UNC119B: variants seen among roughly 807,000 people sequenced by gnomAD.
UNC119B encodes the protein unc-119 lipid binding chaperone B.
A neutral mutation model predicts 23.4 loss-of-function variants in UNC119B; 16 were observed. The ratio of observed to expected loss-of-function variants is 0.68; its 90% CI spans 0.46 to 1.04. The LOEUF is 1.04. Among genes scored for constraint, UNC119B ranks in the 50% least tolerant of loss-of-function variants. UNC119B has a pLI of 0.00. For missense variants in UNC119B, 350 were observed against 361.3 expected (o/e 0.97, Z 0.25); for synonymous variants, 144 against 145.4 (o/e 0.99, Z 0.07).
chr12:120,720,021 G>T lies in UNC119B; in HGVS notation c.745G>T (p.Gly249Ter), dbSNP rs1304189676. The change falls in exon 5 of 5, where the codon GGA (glycine) becomes TGA (stop). Residue 249 changes from glycine (G) to a stop codon, truncating the protein, a stop_gained. Coordinates refer to ENST00000344651, the MANE Select transcript of UNC119B (RefSeq NM_001080533.3). LOFTEE classifies it high-confidence loss of function. ...MHNKADYAYN[G>*]GQ Reference sequence around the variant, plus strand: ...CAACAAGGCTGATTATGCCTATAATGGAGGCCAGTAAGTGCTGCAAGAGTA... The same window carrying T: ...CAACAAGGCTGATTATGCCTATAATTGAGGCCAGTAAGTGCTGCAAGAGTA... 1 of 1,613,008 alleles carries T rather than the reference G, an allele frequency of 6.2e-7. No homozygotes were observed. Among genetic ancestry groups the T allele is most frequent in the Admixed American group, 1.7e-5 (1 of 59,996 alleles).
intron 2 of UNC119B, among the ~76,000 whole-genome samples, chr12:120,715,997 T>C (rs762411355): frequency 3.3e-5 from 5 of 152,246 alleles, no homozygotes; most frequent in Admixed American, 6.5e-5. Context: ...CAAGGAACTA[T>C]AGTATCCCAA....
intron 1 of UNC119B, chr12:120,710,940 C>G (rs1228774339): frequency 2.7e-6 from 1 of 364,478 alleles, no homozygotes; most frequent in African/African-American, 2.3e-5. Context: ...CCTGTGAGTC[C>G]GGCCACGCTA....
rs566420526 is a variant in UNC119B, at chr12:120,721,156, T to C, written c.*1124T>C. The C allele has an allele frequency of 6.6e-6, 1 of 152,362 alleles. No individual in the cohort carries two copies. The highest frequency in any genetic ancestry group is 2.4e-5 in the African/African-American group (1 of 41,578). The allele number at this position is 152,362 out of a possible 1,614,324, so 9.4% of individuals were successfully genotyped here. ...TCTACTGAAGTAGTTTCTGGAACTT[T>C]CCTGGTGGATCAGAGTTACGTAATG... On this transcript the variant is annotated 3_prime_UTR_variant, in exon 5 of 5. Coordinates refer to ENST00000344651, the MANE Select transcript of UNC119B (RefSeq NM_001080533.3).
intron 1 of UNC119B, chr12:120,711,490 T>C (rs1882668233): frequency 1.3e-5 from 2 of 152,064 alleles, no homozygotes; most frequent in Admixed American, 1.3e-4. Flanking sequence ...GGAAGAAAAA[T>C]GTTGCCCAGT....
In UNC119B at chr12:120,719,242, A is replaced by G. The variant is rs10849780; in HGVS notation, c.644-678A>G. Among the ~76,000 whole-genome samples the G allele has an allele frequency of 0.02, 2,994 of 152,350 alleles. 249 individuals are homozygous for G. In the East Asian group the frequency reaches 0.28, roughly 14 times the overall value. Reference sequence around the variant, plus strand: ...AAAATGGCATGTAATCATTAACTCAAAACTGATCAGAGGTAGTGACTGTTA... The same window carrying G: ...AAAATGGCATGTAATCATTAACTCAGAACTGATCAGAGGTAGTGACTGTTA... On this transcript the variant is annotated intron_variant, in intron 4 of 4. Coordinates refer to ENST00000344651, the MANE Select transcript of UNC119B (RefSeq NM_001080533.3).
In UNC119B at chr12:120,718,268, C is replaced by T. The variant is rs374204279; in HGVS notation, c.643+1226C>T. On this transcript the variant is annotated intron_variant, in intron 4 of 4. Transcript: ENST00000344651. ...AGGAGGCCTGTGACCATCCCTGGGA[C>T]GCTGATCAGATAAAGCACCTCTCCT... 3.5e-4 allele frequency among the ~76,000 whole-genome samples: 54 copies of T among 152,292 alleles called. 1 individual carries two copies. In the East Asian group the frequency reaches 5.6e-3, roughly 16 times the overall value.
chr12:120,715,674 C>T (rs1286836165), intron 2 of UNC119B, among the ~76,000 whole-genome samples: 1 of 152,080 alleles, frequency 6.6e-6, no homozygotes, highest in Non-Finnish European at 1.5e-5. Context: ...GCTGGGATTA[C>T]AGGCATGCGC....
intron 2 of UNC119B, among the ~76,000 whole-genome samples, chr12:120,714,794 C>G (rs944226675): frequency 6.6e-6 from 1 of 152,058 alleles, no homozygotes; most frequent in Non-Finnish European, 1.5e-5. Context: ...CAATATAAGA[C>G]GGAACTGTTT....
Position 120,719,905 on chromosome 12 carries a change from TTGCC to T in UNC119B, c.644-12_644-9del. The T allele has an allele frequency of 6.3e-7, 1 of 1,594,938 alleles. No individual in the cohort carries two copies. Among genetic ancestry groups the T allele is most frequent in the Non-Finnish European group, 8.6e-7 (1 of 1,162,614 alleles). On this transcript the variant is annotated splice_polypyrimidine_tract_variant and intron_variant, in intron 4 of 4. Transcript: ENST00000344651. ...AATTCTTTGCTTTTTTCTTCCCCCT[TTGCC>T]TGACTTGCAGTTCGTCTAATGATTG...
Position 120,720,085 on chromosome 12 carries a change from C to A in UNC119B, c.*53C>A. 2.2e-6 allele frequency: 3 copies of A among 1,350,636 alleles called. No individual in the cohort carries two copies. The highest frequency in any genetic ancestry group is 3.2e-6 in the Non-Finnish European group (3 of 945,588). The allele number at this position is 1,350,636 out of a possible 1,614,324, so 83.7% of individuals were successfully genotyped here. The stretch of plus-strand genomic sequence containing the variant: ...CTTTGCCGCGGCCACAAGATCCTGG[C>A]ACACGGAGATGATCGAAGCTGCAGT... On this transcript the variant is annotated 3_prime_UTR_variant, in exon 5 of 5. Transcript: ENST00000344651.
intron 1 of UNC119B, among the ~76,000 whole-genome samples, chr12:120,712,482 T>C (rs187414975): frequency 1.6e-3 from 241 of 152,362 alleles, no homozygotes; most frequent in Non-Finnish European, 2.8e-3. Flanking sequence ...ATTATTTCAA[T>C]TTGCGGCTCA....
At position 120,710,532 on chromosome 12, in the gene UNC119B, C is replaced by T. The variant is rs758718025; in HGVS notation, c.58C>T (p.Leu20=). The change falls in exon 1 of 5, where the codon CTG becomes TTG. Residue 20 remains leucine (L), a synonymous_variant. Transcript: ENST00000344651. ...GGCGTCGGCGGCTGGGCCCGGGGGG[C>T]TGGTGGCTGGCAAGGAGGAGAAGAA... ...AAASAAGPGG[L]VAGKEEKKKA... 5 of 1,374,204 alleles carry T rather than the reference C, an allele frequency of 3.6e-6. No homozygotes were observed. Among genetic ancestry groups the T allele is most frequent in the Non-Finnish European group, 4.7e-6 (5 of 1,069,880 alleles). 85.1% of individuals were successfully genotyped at this position (1,374,204 alleles called of 1,614,324 possible).
In UNC119B at chr12:120,722,417, A is replaced by G. The variant is rs1342645097; in HGVS notation, c.*2385A>G. 6.6e-6 allele frequency: 1 copy of G among 152,238 alleles called. No homozygotes were observed. The highest frequency in any genetic ancestry group is 2.1e-4 in the South Asian group (1 of 4,838). 9.4% of individuals were successfully genotyped at this position (152,238 alleles called of 1,614,324 possible). ...GGGTGTAAACCAGTATGAGTTTGAA[A>G]TTCAAGCGTTTGTACCTGAGTTGGG... On this transcript the variant is annotated 3_prime_UTR_variant, in exon 5 of 5. Coordinates refer to ENST00000344651, the MANE Select transcript of UNC119B (RefSeq NM_001080533.3).
chr12:120,714,864 C>T (rs7313271), intron 2 of UNC119B, among the ~76,000 whole-genome samples: 37,778 of 151,962 alleles, frequency 0.25, 4,984 homozygotes, highest in Middle Eastern at 0.36. Context: ...CTAGTTTTTA[C>T]ATTTAAGGAT....
In UNC119B at chr12:120,710,540, T is replaced by A; in HGVS notation, c.66T>A (p.Ala22=). The change falls in exon 1 of 5, where the codon GCT becomes GCA. Residue 22 remains alanine, a synonymous_variant. Transcript: ENST00000344651. ...ASAAGPGGLV[A]GKEEKKKAGG... is the part of the protein sequence containing the mutation. ...CGGCTGGGCCCGGGGGGCTGGTGGC[T>A]GGCAAGGAGGAGAAGAAGAAGGCGG... The A allele has an allele frequency of 7.2e-7, 1 of 1,381,638 alleles. No individual in the cohort carries two copies. 85.6% of individuals were successfully genotyped at this position (1,381,638 alleles called of 1,614,324 possible).
At chr12:120,714,061 A>C (rs1395430466) in intron 2 of UNC119B, among the ~76,000 whole-genome samples, 1 of 152,144 alleles carries the variant, frequency 6.6e-6, no homozygotes, top group East Asian at 1.9e-4. Context: ...CCTTTGGAGC[A>C]CCTCACTGGA....
At chr12:120,713,815 C>T (rs1882717558) in intron 2 of UNC119B, among the ~76,000 whole-genome samples, 1 of 152,186 alleles carries the variant, frequency 6.6e-6, no homozygotes, top group Admixed American at 6.5e-5. Flanking sequence ...GAGCCTGGTG[C>T]CCTCTTGGAG....
In UNC119B at chr12:120,723,569, A is replaced by T. The variant is rs990124844; in HGVS notation, c.*3537A>T. On this transcript the variant is annotated 3_prime_UTR_variant, in exon 5 of 5. Coordinates refer to ENST00000344651, the MANE Select transcript of UNC119B (RefSeq NM_001080533.3). Reference sequence around the variant, plus strand: ...TTTATTGTCTTTGTGTCCAAAGTAAACTAGGTGACTTATTTGTATAAAATG... The same window carrying T: ...TTTATTGTCTTTGTGTCCAAAGTAATCTAGGTGACTTATTTGTATAAAATG... The T allele has an allele frequency of 6.7e-4, 102 of 152,314 alleles. 1 individual carries two copies. Among genetic ancestry groups the T allele is most frequent in the African/African-American group, 2.2e-3 (93 of 41,538 alleles). 9.4% of individuals were successfully genotyped at this position (152,314 alleles called of 1,614,324 possible).
Position 120,716,880 on chromosome 12 carries a change from A to C in UNC119B, c.481A>C (p.Thr161Pro). The C allele has an allele frequency of 6.2e-7, 1 of 1,610,288 alleles. No individual in the cohort carries two copies. Among genetic ancestry groups the C allele is most frequent in the Non-Finnish European group, 8.5e-7 (1 of 1,177,308 alleles). ...AGATTTATTTTCCAGGGTGGAGTTCACAGTGGGAGACAAACCTGTTTCAAA... is the reference window on the plus strand; with the variant it reads ...AGATTTATTTTCCAGGGTGGAGTTCCCAGTGGGAGACAAACCTGTTTCAAA... Reference protein sequence around the residue: ...LRTVGATVEFTVGDKPVSNFR... With the variant: ...LRTVGATVEFPVGDKPVSNFR... Residue 161 changes from threonine (T) to proline (P), a missense_variant, in exon 4 of 5, where the codon ACA becomes CCA. Transcript: ENST00000344651.
Sources: gnomAD v4.1 joint callset for allele counts (sites outside exome capture counted in the v4.1 genomes callset) on GRCh38, gnomAD v4.1.1 for gene constraint, MANE v1.5 for transcripts, NCBI Gene and HGNC (gene_info 2026-07-23, HGNC 2026-07-21) for gene names.